Variants in PRR5L observed in about 807,000 individuals in gnomAD.
The protein encoded by PRR5L is proline-rich protein 5-like.
In PRR5L, 21 loss-of-function variants were observed where a neutral mutation model predicts 36.4. That is an observed-to-expected ratio of 0.58 (90% CI 0.41 to 0.83). The LOEUF is 0.83. Among genes scored for constraint, PRR5L ranks in the 40% least tolerant of loss-of-function variants. PRR5L has a pLI of 0.00. For synonymous variants in PRR5L, 188 were observed against 197.0 expected, an observed-to-expected ratio of 0.95 and a Z score of 0.38; for missense variants, 381 against 473.3, an observed-to-expected ratio of 0.80 and a Z score of 1.81.
At chr11:36,336,120 C>G (rs1184727093) in intron 1 of PRR5L, among the ~76,000 whole-genome samples, 1 of 152,172 alleles carries the variant, frequency 6.6e-6, no homozygotes, top group Non-Finnish European at 1.5e-5. Context: ...CCAAATGTGG[C>G]TGATTTTGTA....
chr11:36,331,166 A>G (rs965309257), intron 1 of PRR5L, among the ~76,000 whole-genome samples: 2 of 152,194 alleles, frequency 1.3e-5, no homozygotes, highest in African/African-American at 4.8e-5. Context: ...AATAACATAT[A>G]CCCATACTAA....
At chr11:36,457,537 C>T (rs1055787290) in intron 8 of PRR5L, among the ~76,000 whole-genome samples, 38 of 151,722 alleles carry the variant, frequency 2.5e-4, no homozygotes, top group Middle Eastern at 6.8e-3. Context: ...ACCCAGTAGG[C>T]AGCGCTTGTA....
chr11:36,405,019 G>T (rs1041634335), intron 3 of PRR5L, among the ~76,000 whole-genome samples: 2 of 152,174 alleles, frequency 1.3e-5, no homozygotes, highest in African/African-American at 4.8e-5. Flanking sequence ...AAATAAAACA[G>T]TGACTCAGGA....
At chr11:36,446,271 C>G (rs778643767) in intron 6 of PRR5L, 29 bp from the exon 7 acceptor site, 1 of 1,610,406 alleles carries the variant, frequency 6.2e-7, no homozygotes, top group African/African-American at 1.3e-5. Context: ...GCTCTCACCT[C>G]CCGGCCCTCT....
intron 1 of PRR5L, among the ~76,000 whole-genome samples, chr11:36,350,905 A>AATAT (rs1460848784): frequency 1.3e-5 from 1 of 74,302 alleles, no homozygotes; most frequent in African/African-American, 5.0e-5. Context: ...TTCCATGGTA[A>AATAT]ATATATATAT....
chr11:36,316,609 C>G (rs1856560244), intron 1 of PRR5L, among the ~76,000 whole-genome samples: 1 of 151,924 alleles, frequency 6.6e-6, no homozygotes, highest in African/African-American at 2.4e-5. Context: ...CTGGTTGAGC[C>G]AGATTACCGG....
At chr11:36,334,425 T>G (rs1213107660) in intron 1 of PRR5L, among the ~76,000 whole-genome samples, 3 of 152,270 alleles carry the variant, frequency 2.0e-5, no homozygotes, top group Admixed American at 1.3e-4. Context: ...CAAGAACCTG[T>G]GCAATCTGGC....
chr11:36,341,486 A>G (rs1856816339), intron 1 of PRR5L, among the ~76,000 whole-genome samples: 2 of 152,194 alleles, frequency 1.3e-5, no homozygotes, highest in African/African-American at 2.4e-5. Context: ...ATTCCAGACC[A>G]GAGTGCTTTG....
chr11:36,322,412 C>T (rs1211064933), intron 1 of PRR5L, among the ~76,000 whole-genome samples: 2 of 152,080 alleles, frequency 1.3e-5, no homozygotes, highest in East Asian at 3.9e-4. Context: ...TATACAACAC[C>T]AGAAAACAGA....
intron 2 of PRR5L, among the ~76,000 whole-genome samples, chr11:36,402,233 G>A (rs532500723): frequency 3.3e-5 from 5 of 152,232 alleles, no homozygotes; most frequent in Admixed American, 6.5e-5. Flanking sequence ...AGTTTGGATC[G>A]TTATGGATCT....
chr11:36,378,434 C>T (rs905194208), intron 1 of PRR5L, among the ~76,000 whole-genome samples: 2 of 152,166 alleles, frequency 1.3e-5, no homozygotes, highest in African/African-American at 4.8e-5. Flanking sequence ...AAGTTGTCTT[C>T]AGTTTTTCCA....
chr11:36,377,865 C>T lies in PRR5L; in HGVS notation c.-125-23132C>T, dbSNP rs1590504409. ...AGACCCGCGTGGAAAAAGCTCTGGG[C>T]TGGAATCTCCGGGCTTCCCTGCTTG... On this transcript the variant is annotated intron_variant, in intron 1 of 8. Transcript: ENST00000530639. The surrounding 1 kb of genome is among the most constrained non-coding windows in gnomAD (Gnocchi z 5.1). 6.6e-6 allele frequency: 1 copy of T among 152,268 alleles called. No homozygotes were observed. Among genetic ancestry groups the T allele is most frequent in the Non-Finnish European group, 1.5e-5 (1 of 68,076 alleles). The allele number at this position is 152,268 out of a possible 1,614,324, so 9.4% of individuals were successfully genotyped here.
At chr11:36,297,528 A>G (rs1413385723) in intron 1 of PRR5L, 3 of 152,326 alleles carry the variant, frequency 2.0e-5, no homozygotes, top group Non-Finnish European at 4.4e-5. Flanking sequence ...CACAGGACTC[A>G]TGGTATATTA....
chr11:36,368,329 A>G (rs186294842), intron 1 of PRR5L, among the ~76,000 whole-genome samples: 1 of 152,086 alleles, frequency 6.6e-6, no homozygotes, highest in Non-Finnish European at 1.5e-5. Context: ...TGGGGATTTT[A>G]GGGAGGGATT....
At chr11:36,318,953 T>C (rs1192379631) in intron 1 of PRR5L, among the ~76,000 whole-genome samples, 1 of 152,222 alleles carries the variant, frequency 6.6e-6, no homozygotes, top group Non-Finnish European at 1.5e-5. Context: ...CTCGATTTTT[T>C]ACTAGAAAGG....
chr11:36,419,466 T>G (rs1858217843), intron 4 of PRR5L, among the ~76,000 whole-genome samples, 163 bp downstream of exon 4: 1 of 152,230 alleles, frequency 6.6e-6, no homozygotes, highest in African/African-American at 2.4e-5. Context: ...ACCACTCCTG[T>G]GTCTCCCAGC....
intron 1 of PRR5L, among the ~76,000 whole-genome samples, chr11:36,343,918 TA>T (rs958825356): frequency 4.6e-5 from 7 of 151,802 alleles, no homozygotes; most frequent in Non-Finnish European, 1.0e-4. Flanking sequence ...TTTTTTTTTT[TA>T]AAATATCACA....
intron 3 of PRR5L, among the ~76,000 whole-genome samples, chr11:36,418,299 G>GT (rs1554928324): frequency 1.3e-5 from 2 of 152,138 alleles, no homozygotes; most frequent in Non-Finnish European, 2.9e-5. Flanking sequence ...TTGGGCATGG[G>GT]TTGTAAGACC....
At chr11:36,296,933 T>C (rs1856317777) in intron 1 of PRR5L, among the ~76,000 whole-genome samples, 1 of 152,188 alleles carries the variant, frequency 6.6e-6, no homozygotes, top group African/African-American at 2.4e-5. Context: ...TTTTACAACA[T>C]CCTGCTAATA....
Sources: gnomAD v4.1 joint callset for allele counts (sites outside exome capture counted in the v4.1 genomes callset) on GRCh38, gnomAD v4.1.1 for gene constraint, Gnocchi (gnomAD v3.1) non-coding constraint, MANE v1.5 for transcripts, NCBI Gene and HGNC (gene_info 2026-07-23, HGNC 2026-07-21) for gene names.